The following CTNNA3 variants were observed in gnomAD, a reference collection of about 807,000 sequenced individuals.
CTNNA3 encodes catenin alpha 3.
CTNNA3 carries 76 observed loss-of-function variants against 95.7 expected under a neutral mutation model. The observed-to-expected ratio is 0.79, with a 90% CI of 0.66 to 0.96. The LOEUF (loss-of-function observed/expected upper bound fraction) is 0.96. CTNNA3 is among the 40% of genes least tolerant of loss of function. The pLI is 0.00. For missense variants in CTNNA3, 1,191 were observed against 1,089.8 expected (o/e 1.09, Z -1.31); for synonymous variants, 431 against 374.4 (o/e 1.15, Z -1.74).
Position 65,917,352 on chromosome 10 carries a change from T to C in CTNNA3, c.*2978A>G, listed in dbSNP as rs2077019749. The C allele has an allele frequency of 6.6e-6, 1 of 152,200 alleles. No homozygotes were observed. The highest frequency in any genetic ancestry group is 2.4e-5 in the African/African-American group (1 of 41,466). 9.4% of individuals were successfully genotyped at this position (152,200 alleles called of 1,614,324 possible). A position where few individuals can be genotyped will look rare whatever the true frequency, so the allele number is the denominator to read the frequency against. ...CTTAGAAACATTTTACTTCAATAATTTTAATTTGTCATAAATTAAAGGGAA... is the reference window on the plus strand; with the variant it reads ...CTTAGAAACATTTTACTTCAATAATCTTAATTTGTCATAAATTAAAGGGAA... On this transcript the variant is annotated 3_prime_UTR_variant, in exon 18 of 18. Coordinates refer to ENST00000433211, the MANE Select transcript of CTNNA3 (RefSeq NM_013266.4).
At chr10:67,685,127 A>C (rs1236080620) in intron 1 of CTNNA3, among the ~76,000 whole-genome samples, 1 of 152,244 alleles carries the variant, frequency 6.6e-6, no homozygotes, top group African/African-American at 2.4e-5. Flanking sequence ...AAACTGTCTG[A>C]GAAATCCTTT....
At chr10:66,586,111 G>A (rs981505486) in intron 10 of CTNNA3, among the ~76,000 whole-genome samples, 1 of 152,052 alleles carries the variant, frequency 6.6e-6, no homozygotes. Context: ...GGGTGTGTGA[G>A]TAGGTTCACT....
At chr10:66,131,733 C>A (rs529735874) in intron 13 of CTNNA3, among the ~76,000 whole-genome samples, 109 of 151,960 alleles carry the variant, frequency 7.2e-4, no homozygotes, top group African/African-American at 2.6e-3. Context: ...AATAGAGAGC[C>A]CAGAAATAAG....
intron 10 of CTNNA3, among the ~76,000 whole-genome samples, chr10:66,615,327 C>G (rs562825676): frequency 6.6e-6 from 1 of 152,066 alleles, no homozygotes; most frequent in South Asian, 2.1e-4. Flanking sequence ...CAAACTTACA[C>G]TACAAAAAGA....
intron 4 of CTNNA3, among the ~76,000 whole-genome samples, chr10:67,535,893 GT>G (rs1455697896): frequency 6.6e-6 from 1 of 152,068 alleles, no homozygotes; most frequent in Non-Finnish European, 1.5e-5. Context: ...CCTGAAGTGG[GT>G]TTCAGAAGAG....
At chr10:66,968,022 A>G (rs1183609787) in intron 7 of CTNNA3, among the ~76,000 whole-genome samples, 1 of 152,068 alleles carries the variant, frequency 6.6e-6, no homozygotes, top group East Asian at 1.9e-4. Context: ...AGTCTATACT[A>G]AAAGAAAAGA....
At chr10:66,998,866 A>G (rs1851519971) in intron 7 of CTNNA3, among the ~76,000 whole-genome samples, 1 of 152,162 alleles carries the variant, frequency 6.6e-6, no homozygotes, top group African/African-American at 2.4e-5. Flanking sequence ...TCCAATGGCT[A>G]TATGTAAAAC....
chr10:65,975,756 CAGAG>C (rs149124681), intron 16 of CTNNA3, among the ~76,000 whole-genome samples: 2 of 152,204 alleles, frequency 1.3e-5, no homozygotes, highest in East Asian at 3.9e-4. Flanking sequence ...AAGTAAGTTT[CAGAG>C]AGAGTAAATG....
At chr10:67,253,116 C>T (rs1019645236) in intron 5 of CTNNA3, among the ~76,000 whole-genome samples, 7 of 152,094 alleles carry the variant, frequency 4.6e-5, no homozygotes, top group Non-Finnish European at 1.0e-4. Flanking sequence ...TACTCTTGTG[C>T]TTTGGGGCCA....
chr10:66,323,555 G>A (rs928580210), intron 12 of CTNNA3, among the ~76,000 whole-genome samples: 3 of 151,726 alleles, frequency 2.0e-5, no homozygotes, highest in Non-Finnish European at 4.4e-5. Flanking sequence ...AGGAGGCTGA[G>A]GCAGAAGAAT....
At chr10:66,370,915 G>T (rs1039312042) in intron 12 of CTNNA3, among the ~76,000 whole-genome samples, 5 of 152,014 alleles carry the variant, frequency 3.3e-5, no homozygotes, top group Admixed American at 1.3e-4. Flanking sequence ...GTAGAGCTGG[G>T]TCTCACTATG....
intron 10 of CTNNA3, among the ~76,000 whole-genome samples, chr10:66,596,388 G>A (rs145726194): frequency 0.019 from 2,841 of 152,056 alleles, 49 homozygotes; most frequent in South Asian, 0.037. Context: ...ACAAAACATT[G>A]AGCCTTTGCA....
chr10:66,425,258 T>A (rs1381752691), intron 11 of CTNNA3, among the ~76,000 whole-genome samples: 1 of 151,868 alleles, frequency 6.6e-6, no homozygotes, highest in East Asian at 1.9e-4. Flanking sequence ...AGCAGTTAGT[T>A]TTTTTAATCT....
chr10:67,552,808 C>A (rs1841080246), intron 3 of CTNNA3, among the ~76,000 whole-genome samples: 1 of 152,084 alleles, frequency 6.6e-6, no homozygotes, highest in African/African-American at 2.4e-5. Context: ...AGGATAAGGA[C>A]TTCCAATTCC....
intron 8 of CTNNA3, among the ~76,000 whole-genome samples, chr10:66,770,103 C>A (rs1564671275): frequency 6.6e-6 from 1 of 152,152 alleles, no homozygotes; most frequent in South Asian, 2.1e-4. Context: ...TTTGTTCTGC[C>A]ATGCCCTGAA....
At chr10:67,627,343 T>TA (rs1413359101) in intron 2 of CTNNA3, among the ~76,000 whole-genome samples, 1 of 152,138 alleles carries the variant, frequency 6.6e-6, no homozygotes, top group African/African-American at 2.4e-5. Flanking sequence ...GCCACATGGG[T>TA]ACTCAGAACC....
intron 13 of CTNNA3, among the ~76,000 whole-genome samples, chr10:66,116,564 T>C (rs989780250): frequency 1.3e-5 from 2 of 152,164 alleles, no homozygotes; most frequent in Non-Finnish European, 2.9e-5. Flanking sequence ...ATAAATTTGA[T>C]TAAAGCAACA....
intron 2 of CTNNA3, among the ~76,000 whole-genome samples, chr10:67,632,721 G>C (rs1404652296): frequency 6.6e-6 from 1 of 152,136 alleles, no homozygotes; most frequent in African/African-American, 2.4e-5. Context: ...CCAGGGCGTT[G>C]GGTCTGATAC....
At chr10:66,997,181 T>A (rs1851402223) in intron 7 of CTNNA3, among the ~76,000 whole-genome samples, 1 of 152,162 alleles carries the variant, frequency 6.6e-6, no homozygotes. Flanking sequence ...CAACCCTTTG[T>A]ATTATTTCAG....
Sources: allele counts gnomAD v4.1 joint callset (sites outside exome capture counted in the v4.1 genomes callset), GRCh38; gene constraint gnomAD v4.1.1; transcripts MANE v1.5; gene names NCBI Gene and HGNC (gene_info 2026-07-23, HGNC 2026-07-21).